The following DNAH8 variants were observed in gnomAD, a reference collection of about 807,000 sequenced individuals.
DNAH8 encodes dynein axonemal heavy chain 8.
A neutral mutation model predicts 562.1 loss-of-function variants in DNAH8; 382 were observed. The ratio of observed to expected loss-of-function variants is 0.68; its 90% CI spans 0.63 to 0.74. DNAH8 has a LOEUF of 0.74. DNAH8 is among the 30% of genes least tolerant of loss of function. The probability of loss-of-function intolerance (pLI) is 0.00; values close to 1 mark genes in which losing one functional copy is unlikely to be tolerated. For synonymous variants in DNAH8, 1,881 were observed against 1,919.4 expected, an observed-to-expected ratio of 0.98 and a Z score of 0.52; for missense variants, 5,203 against 5,620.4, an observed-to-expected ratio of 0.93 and a Z score of 2.37.
intron 85 of DNAH8, among the ~76,000 whole-genome samples, chr6:38,981,118 A>G (rs1295348258): frequency 1.3e-5 from 2 of 151,892 alleles, no homozygotes; most frequent in Non-Finnish European, 2.9e-5. Flanking sequence ...TAGAGGTAAA[A>G]GAGTAGAATT....
At chr6:38,977,306 C>T (rs77757972) in intron 85 of DNAH8, among the ~76,000 whole-genome samples, 3,695 of 152,250 alleles carry the variant, frequency 0.024, 159 homozygotes, top group African/African-American at 0.084. Flanking sequence ...CTCCCCTTCT[C>T]CTCCAGCAAC....
intron 28 of DNAH8, among the ~76,000 whole-genome samples, chr6:38,825,542 G>T (rs59144458): frequency 6.6e-6 from 1 of 151,970 alleles, no homozygotes; most frequent in Non-Finnish European, 1.5e-5. Flanking sequence ...TATGCCTCTC[G>T]TTTCTTCTTC....
At chr6:38,996,224 G>A (rs911704164) in intron 88 of DNAH8, among the ~76,000 whole-genome samples, 2 of 151,838 alleles carry the variant, frequency 1.3e-5, no homozygotes, top group African/African-American at 4.8e-5. Flanking sequence ...GCTTTAAAGA[G>A]CCTTCCCTTC....
At chr6:38,906,147 T>C in intron 62 of DNAH8, 107 bp from the exon 63 acceptor site, 1 of 555,532 alleles carries the variant, frequency 1.8e-6, no homozygotes, top group South Asian at 3.3e-5. Flanking sequence ...GACCTCGTGA[T>C]CCACCCGCCT....
In DNAH8 at chr6:38,783,044, T is replaced by C. The variant is rs571479487; in HGVS notation, c.2300T>C (p.Val767Ala). 6.2e-7 allele frequency: 1 copy of C among 1,614,016 alleles called. No homozygotes were observed. The highest frequency in any genetic ancestry group is 1.7e-5 in the Admixed American group (1 of 60,018). ...TTATCAAGTCCGGACGGTAAAGCTG[T>C]CATCCGTCAGTATAACAAGATCTCC... ...DILSSPDGKA[V>A]IRQYNKISYV... The change falls in exon 17 of 93, where the codon GTC becomes GCC. Residue 767 changes from valine to alanine, a missense_variant. Val to Ala is a moderately conservative substitution (Grantham distance 64). Around this residue, in one of 6 missense-constraint regions of DNAH8, gnomAD observed 2,176 missense variants for 2,365.1 expected, o/e 0.92. Coordinates refer to ENST00000327475, the MANE Select transcript of DNAH8 (RefSeq NM_001206927.2).
rs748723624 is a variant in DNAH8, at chr6:38,949,546, C to G, written c.12224C>G (p.Thr4075Ser). ...GATGGATATAATGATTCACTAGATA[C>G]CTGCCATAAACTTTTACTTATCAGG... Reference protein sequence around the residue: ...IPDGYNDSLDTCHKLLLIRSW... With the variant: ...IPDGYNDSLDSCHKLLLIRSW... The change falls in exon 81 of 93, where the codon ACC becomes AGC. Residue 4075 changes from threonine to serine, a missense_variant. Thr to Ser is a moderately conservative substitution (Grantham distance 58). Transcript: ENST00000327475. The G allele has an allele frequency of 6.2e-7, 1 of 1,606,474 alleles. No homozygotes were observed. The highest frequency in any genetic ancestry group is 8.5e-7 in the Non-Finnish European group (1 of 1,173,176).
At chr6:38,882,519 A>G (rs527508257) in intron 53 of DNAH8, among the ~76,000 whole-genome samples, 3 of 152,266 alleles carry the variant, frequency 2.0e-5, no homozygotes, top group South Asian at 2.1e-4. Context: ...TTGAGTACAC[A>G]GGGATGCAAA....
In DNAH8 at chr6:38,756,525, T is replaced by A. The variant is rs9394533; in HGVS notation, c.1515+446T>A. Among the ~76,000 whole-genome samples the A allele has an allele frequency of 1.3e-3, 189 of 144,166 alleles. 3 individuals carry two copies. The East Asian group carries it at 0.029, about 22-fold the overall frequency. The allele number at this position is 144,166 out of a possible 152,430, so 94.6% of individuals were successfully genotyped here. ...TTAAATTTGCTAGCCAATGTCATTC[T>A]TTTTTTTATTATACATTAAGTTTTA... On this transcript the variant is annotated intron_variant, in intron 10 of 92. Transcript: ENST00000327475.
chr6:38,952,939 T>C (rs576194825), intron 82 of DNAH8: 2 of 152,382 alleles, frequency 1.3e-5, no homozygotes, highest in South Asian at 2.1e-4. Context: ...AGTAGCCTTA[T>C]AGTTTGCAAA....
chr6:38,835,657 T>G (rs1774216054), intron 32 of DNAH8, among the ~76,000 whole-genome samples: 1 of 151,968 alleles, frequency 6.6e-6, no homozygotes, highest in Non-Finnish European at 1.5e-5. Context: ...AGGAAACTAG[T>G]AGGGCAATAT....
intron 70 of DNAH8, among the ~76,000 whole-genome samples, chr6:38,918,575 A>G (rs1781477283): frequency 6.6e-6 from 1 of 152,222 alleles, no homozygotes; most frequent in African/African-American, 2.4e-5. Flanking sequence ...AAGCAATCAG[A>G]CAAAACCTAA....
intron 59 of DNAH8, among the ~76,000 whole-genome samples, chr6:38,895,480 T>C (rs1355847877): frequency 6.6e-6 from 1 of 152,178 alleles, no homozygotes; most frequent in Non-Finnish European, 1.5e-5. Flanking sequence ...TGTGAGCTCT[T>C]TGTAGGTTTT....
Position 38,881,249 on chromosome 6 carries a change from G to T in DNAH8, c.7859-1661G>T, listed in dbSNP as rs376126333. Among the ~76,000 whole-genome samples, 5 of 152,084 alleles carry T rather than the reference G, an allele frequency of 3.3e-5. No individual in the cohort carries two copies. The East Asian group carries it at 9.6e-4, about 29-fold the overall frequency. On this transcript the variant is annotated intron_variant, in intron 53 of 92. Coordinates refer to ENST00000327475, the MANE Select transcript of DNAH8 (RefSeq NM_001206927.2). ...TACTTTCTCAAGAAAACATGAAATT[G>T]GGGTTATTACTCCAATGATGAGTAT... is the stretch of plus-strand genomic sequence containing the variant.
chr6:38,751,415 T>TGTGTATAC (rs1240707503), intron 9 of DNAH8, among the ~76,000 whole-genome samples: 7 of 152,258 alleles, frequency 4.6e-5, no homozygotes, highest in African/African-American at 1.7e-4. Context: ...TCTGGGTGGG[T>TGTGTATAC]AGGGGAGTAT....
intron 3 of DNAH8, 36 bp downstream of exon 3, chr6:38,723,507 C>T: frequency 6.3e-7 from 1 of 1,577,712 alleles, no homozygotes. Context: ...TTTAATTGCC[C>T]TTTGAGTAAG....
At chr6:39,009,313 A>C (rs909321661) in intron 89 of DNAH8, among the ~76,000 whole-genome samples, 1 of 152,082 alleles carries the variant, frequency 6.6e-6, no homozygotes, top group Non-Finnish European at 1.5e-5. Flanking sequence ...AAAAAAAAAA[A>C]AACTCAAAAA....
chr6:39,007,505 A>G (rs913609298), intron 88 of DNAH8, among the ~76,000 whole-genome samples: 1 of 152,240 alleles, frequency 6.6e-6, no homozygotes, highest in Admixed American at 6.5e-5. Flanking sequence ...AAGTGTATAG[A>G]TGGTAAATTA....
chr6:38,970,747 G>GT (rs1360104477), intron 82 of DNAH8, among the ~76,000 whole-genome samples: 1 of 150,932 alleles, frequency 6.6e-6, no homozygotes, highest in Non-Finnish European at 1.5e-5. Context: ...GCTTTTCCTT[G>GT]TACAGGGATT....
At chr6:38,806,013 T>C (rs1412076376) in intron 23 of DNAH8, among the ~76,000 whole-genome samples, 1 of 152,222 alleles carries the variant, frequency 6.6e-6, no homozygotes, top group African/African-American at 2.4e-5. Context: ...ACTAGCATTA[T>C]GGATGACCAC....
Sources: allele counts gnomAD v4.1 joint callset (sites outside exome capture counted in the v4.1 genomes callset), GRCh38; gene constraint gnomAD v4.1.1; regional missense constraint gnomAD v4.1.1; transcripts MANE v1.5; gene names NCBI Gene and HGNC (gene_info 2026-07-23, HGNC 2026-07-21).